Variants in UNC79 observed in about 807,000 individuals in gnomAD.
UNC79 encodes protein unc-79 homolog.
A neutral mutation model predicts 283.1 loss-of-function variants in UNC79; 37 were observed. The ratio of observed to expected loss-of-function variants is 0.13; its 90% confidence interval spans 0.10 to 0.17. The LOEUF is 0.17. Ranked by LOEUF, UNC79 falls within the 10% of genes least tolerant of loss-of-function variation. The probability of loss-of-function intolerance (pLI) is 1.00; values close to 1 mark genes in which losing one functional copy is unlikely to be tolerated. For missense variants in UNC79, 2,272 were observed against 3,211.1 expected, an observed-to-expected ratio of 0.71 and a Z score of 7.07; for synonymous variants, 1,107 against 1,200.2, an observed-to-expected ratio of 0.92 and a Z score of 1.61.
At chr14:93,349,843 C>A (rs2053947165) in intron 1 of UNC79, among the ~76,000 whole-genome samples, 2 of 152,136 alleles carry the variant, frequency 1.3e-5, no homozygotes, top group South Asian at 4.1e-4. Context: ...TGTTCACAGG[C>A]TTTATAAATG....
rs2060809004 is a variant in UNC79, at chr14:93,531,244, T to A, written c.1094-1306T>A. ...AGGATATCAAACTGTCAAGTAACCA[T>A]TAATTATACAAAACCAGTTTTTAAA... is the stretch of plus-strand genomic sequence containing the variant. On this transcript the variant is annotated intron_variant, in intron 10 of 48. Transcript: ENST00000555664. The surrounding 1 kb of genome is among the most constrained non-coding windows in gnomAD (Gnocchi z 4.2). Among the ~76,000 whole-genome samples the A allele has an allele frequency of 6.6e-6, 1 of 152,234 alleles. No homozygotes were observed. The highest frequency in any genetic ancestry group is 1.5e-5 in the Non-Finnish European group (1 of 68,036).
chr14:93,479,951 T>C (rs917876220), intron 4 of UNC79, among the ~76,000 whole-genome samples: 3 of 152,200 alleles, frequency 2.0e-5, no homozygotes, highest in Non-Finnish European at 2.9e-5. Flanking sequence ...TAACAATTAA[T>C]CTAATTCACT....
At chr14:93,642,115 G>T (rs1195810203) in intron 33 of UNC79, among the ~76,000 whole-genome samples, 2 of 152,076 alleles carry the variant, frequency 1.3e-5, no homozygotes, top group Non-Finnish European at 2.9e-5. Context: ...GACTAATACA[G>T]TATGCTTCTG....
At chr14:93,686,617 G>A (rs1289949652) in exon 43 of UNC79, 1 of 1,614,182 alleles carries the variant, frequency 6.2e-7, no homozygotes, top group Non-Finnish European at 8.5e-7. Flanking sequence ...CATCAACGAA[G>A]TGCTGGATTT....
chr14:93,489,513 AT>A (rs1249616767), intron 5 of UNC79, among the ~76,000 whole-genome samples: 4 of 152,244 alleles, frequency 2.6e-5, no homozygotes, highest in Non-Finnish European at 5.9e-5. Flanking sequence ...TAGCATAGAC[AT>A]TCCCATCCAA....
chr14:93,511,295 T>C (rs572712351), intron 7 of UNC79, among the ~76,000 whole-genome samples: 1 of 152,194 alleles, frequency 6.6e-6, no homozygotes. Flanking sequence ...TTAGATATGG[T>C]TGCTTTGTTC....
Position 93,621,486 on chromosome 14 carries a change from C to T in UNC79, c.4388-135C>T. ...TAGAACGAACCTTACAAAAACTTGG[C>T]CAGAAAGTTCGTTTTCCCTCCTGGT... On this transcript the variant is annotated intron_variant, in intron 29 of 48. Transcript: ENST00000555664. The surrounding 1 kb of genome is among the most constrained non-coding windows in gnomAD (Gnocchi z 4.8). The T allele has an allele frequency of 8.6e-7, 1 of 1,160,224 alleles. No homozygotes were observed. The highest frequency in any genetic ancestry group is 1.2e-6 in the Non-Finnish European group (1 of 869,210). The allele number at this position is 1,160,224 out of a possible 1,614,324, so 71.9% of individuals were successfully genotyped here.
chr14:93,419,513 G>A (rs2055543536), intron 1 of UNC79, among the ~76,000 whole-genome samples: 1 of 151,632 alleles, frequency 6.6e-6, no homozygotes, highest in African/African-American at 2.4e-5. Flanking sequence ...ACTCATCCAA[G>A]ATAATAACTA....
intron 11 of UNC79, among the ~76,000 whole-genome samples, chr14:93,536,782 C>CCCCCTTT (rs1567069571): frequency 1.2e-5 from 1 of 82,438 alleles, no homozygotes; most frequent in Non-Finnish European, 2.4e-5. Flanking sequence ...CCACCCCCGG[C>CCCCCTTT]TTTTTTTTTT....
rs536624295 is a variant in UNC79 at position 93,501,197 on chromosome 14, C to T, written c.898+3911C>T. Reference sequence around the variant, plus strand: ...AAAATTAACCAGGCATGGTGGTGCACGCCTGTGATCCCAGCTACTGGGGGG... The same window carrying T: ...AAAATTAACCAGGCATGGTGGTGCATGCCTGTGATCCCAGCTACTGGGGGG... On this transcript the variant is annotated intron_variant, in intron 7 of 48. Transcript: ENST00000555664. Among the ~76,000 whole-genome samples the T allele has an allele frequency of 3.3e-5, 5 of 152,030 alleles. No homozygotes were observed. The South Asian group carries it at 6.2e-4, about 19-fold the overall frequency.
intron 1 of UNC79, among the ~76,000 whole-genome samples, chr14:93,395,039 A>C (rs2054967120): frequency 6.6e-6 from 1 of 152,226 alleles, no homozygotes; most frequent in Non-Finnish European, 1.5e-5. Flanking sequence ...TAGAAAAGAA[A>C]GAGTTACAAA....
intron 41 of UNC79, among the ~76,000 whole-genome samples, chr14:93,677,735 C>T (rs7156070): frequency 0.024 from 3,596 of 152,180 alleles, 111 homozygotes; most frequent in African/African-American, 0.073. Flanking sequence ...CTGCAACCTC[C>T]ACCTCCTGGA....
chr14:93,604,159 AAT>A (rs1381729652), intron 26 of UNC79, among the ~76,000 whole-genome samples: 1 of 152,196 alleles, frequency 6.6e-6, no homozygotes, highest in Non-Finnish European at 1.5e-5. Context: ...CATACTAATG[AAT>A]ATGTTTAAAT....
At chr14:93,428,212 A>T (rs2055773326), upstream of UNC79, among the ~76,000 whole-genome samples, 1 of 152,234 alleles carries the variant, frequency 6.6e-6, no homozygotes, top group South Asian at 2.1e-4. Flanking sequence ...GTAAGATGAT[A>T]GGCACAGCTT....
intron 14 of UNC79, among the ~76,000 whole-genome samples, chr14:93,555,972 G>A (rs753693680): frequency 6.6e-5 from 10 of 152,096 alleles, no homozygotes; most frequent in Non-Finnish European, 4.4e-5. Context: ...GTTCAGGGTG[G>A]AGCCTTTTAA....
chr14:93,522,604 T>C (rs2060372189), intron 7 of UNC79, among the ~76,000 whole-genome samples: 2 of 152,152 alleles, frequency 1.3e-5, no homozygotes, highest in South Asian at 2.1e-4. Context: ...CTTTACCATA[T>C]ATGGGAAACT....
intron 23 of UNC79, among the ~76,000 whole-genome samples, chr14:93,594,277 TG>T (rs2064898820): frequency 6.6e-6 from 1 of 151,980 alleles, no homozygotes; most frequent in Admixed American, 6.6e-5. Context: ...AGGTTTTTTG[TG>T]TTTTTTTTTG....
intron 1 of UNC79, among the ~76,000 whole-genome samples, chr14:93,421,776 T>TAA (rs35643188): frequency 0.022 from 3,159 of 144,542 alleles, 112 homozygotes; most frequent in East Asian, 0.072. Flanking sequence ...GGAGATAGCT[T>TAA]AAAAAAAAAA....
At chr14:93,655,174 T>C (rs758234949) in intron 37 of UNC79, 60 bp from the exon 41 acceptor site, 26 of 1,571,980 alleles carry the variant, frequency 1.7e-5, no homozygotes, top group Non-Finnish European at 2.2e-5. Flanking sequence ...ATTTACCAAA[T>C]AGCGCTATGC....
Sources: allele counts gnomAD v4.1 joint callset (sites outside exome capture counted in the v4.1 genomes callset), GRCh38; gene constraint gnomAD v4.1.1; non-coding constraint Gnocchi (gnomAD v3.1); transcripts MANE v1.5; gene names NCBI Gene and HGNC (gene_info 2026-07-23, HGNC 2026-07-21).